IGF2BP2: variants seen among roughly 807,000 people sequenced by gnomAD.
IGF2BP2 encodes insulin like growth factor 2 mRNA binding protein 2, also known as insulin-like growth factor 2 mRNA-binding protein 2.
Under a neutral mutation model 75.8 loss-of-function variants are expected in IGF2BP2, and 17 were observed. The observed-to-expected ratio is 0.22, with a 90% CI of 0.15 to 0.34. IGF2BP2 has a LOEUF of 0.34. IGF2BP2 is among the 10% of genes least tolerant of loss of function. The probability of loss-of-function intolerance (pLI) is 1.00; values close to 1 mark genes in which losing one functional copy is unlikely to be tolerated. For synonymous variants in IGF2BP2, 288 were observed against 295.6 expected, an observed-to-expected ratio of 0.97 and a Z score of 0.26; for missense variants, 516 against 772.4, an observed-to-expected ratio of 0.67 and a Z score of 3.93.
At chr3:185,799,286 T>C (rs370161688) in intron 2 of IGF2BP2, among the ~76,000 whole-genome samples, 1 of 151,974 alleles carries the variant, frequency 6.6e-6, no homozygotes, top group South Asian at 2.1e-4. Context: ...TAGTCGCAGC[T>C]ACTTGGGAAG....
At chr3:185,812,807 C>T (rs113837014) in intron 2 of IGF2BP2, among the ~76,000 whole-genome samples, 3,643 of 152,282 alleles carry the variant, frequency 0.024, 48 homozygotes, top group Middle Eastern at 0.051. Flanking sequence ...AATTTGGCAT[C>T]TCCTTGGAAT....
At chr3:185,809,363 G>A (rs1739487690) in intron 2 of IGF2BP2, among the ~76,000 whole-genome samples, 1 of 152,134 alleles carries the variant, frequency 6.6e-6, no homozygotes. Context: ...TCATTTTGAA[G>A]CCCTGTGCAA....
At chr3:185,760,838 T>C (rs1732264049) in intron 2 of IGF2BP2, among the ~76,000 whole-genome samples, 2 of 152,200 alleles carry the variant, frequency 1.3e-5, no homozygotes, top group African/African-American at 4.8e-5. Context: ...AGGCTTAAAC[T>C]TGCTGCCCAA....
intron 10 of IGF2BP2, among the ~76,000 whole-genome samples, chr3:185,662,204 G>A (rs541660465): frequency 1.1e-4 from 16 of 152,164 alleles, no homozygotes; most frequent in East Asian, 3.9e-4. Context: ...CTGGCCAGAC[G>A]TGGTGGCTCA....
At chr3:185,677,924 T>C (rs1403987044) in intron 7 of IGF2BP2, among the ~76,000 whole-genome samples, 1 of 152,122 alleles carries the variant, frequency 6.6e-6, no homozygotes, top group Non-Finnish European at 1.5e-5. Flanking sequence ...AGGATTAAAA[T>C]AAATAAATAC....
intron 2 of IGF2BP2, among the ~76,000 whole-genome samples, chr3:185,721,743 C>T (rs1310706758): frequency 3.9e-5 from 6 of 152,120 alleles, no homozygotes; most frequent in Admixed American, 3.9e-4. Context: ...CCCTCACTCT[C>T]ATCTGAAAAG....
intron 2 of IGF2BP2, among the ~76,000 whole-genome samples, chr3:185,784,468 A>T (rs1735611505): frequency 6.6e-6 from 1 of 152,308 alleles, no homozygotes; most frequent in Middle Eastern, 3.4e-3. Flanking sequence ...CACCTCCAGC[A>T]CAGCACAGCA....
intron 5 of IGF2BP2, among the ~76,000 whole-genome samples, chr3:185,691,606 G>A (rs772051578): frequency 1.3e-5 from 2 of 152,010 alleles, no homozygotes; most frequent in African/African-American, 2.4e-5. Flanking sequence ...TACAAAAAAG[G>A]AACTTGTTTT....
chr3:185,645,630 CAAGGGAGAG>C lies in IGF2BP2; in HGVS notation c.1708-16_1708-8del. The C allele has an allele frequency of 1.2e-6, 2 of 1,612,278 alleles. No homozygotes were observed. Among genetic ancestry groups the C allele is most frequent in the Non-Finnish European group, 1.7e-6 (2 of 1,178,472 alleles). ...TGATCTTGCGCTGTGCAGTCTGCAG[CAAGGGAGAG>C]AAGGGAGAGGAAGGGACAGGGGAAA... On this transcript the variant is annotated splice_polypyrimidine_tract_variant and splice_region_variant and intron_variant, in intron 15 of 15. Transcript: ENST00000382199. This position sits in a 1 kb window ranked among gnomAD's most constrained non-coding sequence, Gnocchi z 4.9.
intron 2 of IGF2BP2, among the ~76,000 whole-genome samples, chr3:185,753,547 CA>C (rs1731221796): frequency 1.3e-5 from 2 of 152,194 alleles, no homozygotes; most frequent in African/African-American, 4.8e-5. Context: ...GGCAACTGCG[CA>C]ATCCAAAGAG....
intron 7 of IGF2BP2, among the ~76,000 whole-genome samples, chr3:185,679,468 G>A (rs1659097026): frequency 6.6e-6 from 1 of 151,648 alleles, no homozygotes; most frequent in Admixed American, 6.6e-5. Flanking sequence ...AAAAGTTTTT[G>A]TCATTTAAAT....
At position 185,643,720 on chromosome 3, in the gene IGF2BP2, A is replaced by G. The variant is rs1459886012; in HGVS notation, c.*1811T>C. 1 of 152,518 alleles carries G rather than the reference A, an allele frequency of 6.6e-6. No individual in the cohort carries two copies. Among genetic ancestry groups the G allele is most frequent in the Non-Finnish European group, 1.5e-5 (1 of 68,012 alleles). 9.4% of individuals were successfully genotyped at this position (152,518 alleles called of 1,614,324 possible). ...GGATGAGGCAATGCCTAGTAAAATA[A>G]AACACCAAGACACCAGGATCTTGTT... On this transcript the variant is annotated 3_prime_UTR_variant, in exon 16 of 16. Coordinates refer to ENST00000382199, the MANE Select transcript of IGF2BP2 (RefSeq NM_006548.6).
intron 2 of IGF2BP2, among the ~76,000 whole-genome samples, chr3:185,745,039 T>C (rs1394684470): frequency 6.6e-6 from 1 of 152,226 alleles, no homozygotes; most frequent in Admixed American, 6.5e-5. Flanking sequence ...TGTGGAGGCA[T>C]GCCCTTGCTG....
In IGF2BP2 at chr3:185,801,564, G is replaced by A. The variant is rs148480805; in HGVS notation, c.239+21589C>T. 8.5e-3 allele frequency among the ~76,000 whole-genome samples: 1,280 copies of A among 151,108 alleles called. 17 individuals are homozygous for A. The highest frequency in any genetic ancestry group is 0.03 in the African/African-American group (1,232 of 41,094). On this transcript the variant is annotated intron_variant, in intron 2 of 15. Coordinates refer to ENST00000382199, the MANE Select transcript of IGF2BP2 (RefSeq NM_006548.6). The stretch of plus-strand genomic sequence containing the variant: ...TGTGGAGAAATAGGAACACTTTTAC[G>A]CTGTTGGGAGTGCAAATTAGTTCAA...
At chr3:185,820,276 A>ACACACACACACACACACACACAC (rs1741205251) in intron 2 of IGF2BP2, among the ~76,000 whole-genome samples, 1 of 149,368 alleles carries the variant, frequency 6.7e-6, no homozygotes, top group Admixed American at 6.7e-5. Context: ...ACACACACAT[A>ACACACACACACACACACACACAC]ATTTTTAAGT....
At chr3:185,795,064 C>CT (rs1469967823) in intron 2 of IGF2BP2, among the ~76,000 whole-genome samples, 1 of 151,926 alleles carries the variant, frequency 6.6e-6, no homozygotes, top group African/African-American at 2.4e-5. Flanking sequence ...CGCCCGGCTA[C>CT]TTTTTTGTAT....
chr3:185,758,624 C>G (rs929993329), intron 2 of IGF2BP2, among the ~76,000 whole-genome samples: 12 of 152,210 alleles, frequency 7.9e-5, no homozygotes, highest in Non-Finnish European at 1.6e-4. Flanking sequence ...TGTGTTAGCA[C>G]TGCTGCATAT....
chr3:185,686,196 C>T (rs1721107539), intron 7 of IGF2BP2, among the ~76,000 whole-genome samples: 1 of 152,006 alleles, frequency 6.6e-6, no homozygotes, highest in Non-Finnish European at 1.5e-5. Context: ...CTAGCCTGGC[C>T]AACATGGTGA....
At chr3:185,809,315 T>C (rs1739481304) in intron 2 of IGF2BP2, among the ~76,000 whole-genome samples, 1 of 152,202 alleles carries the variant, frequency 6.6e-6, no homozygotes, top group Admixed American at 6.5e-5. Flanking sequence ...CAAAACCTAT[T>C]CTGGTTCCAC....
Sources: allele counts gnomAD v4.1 joint callset (sites outside exome capture counted in the v4.1 genomes callset), GRCh38; gene constraint gnomAD v4.1.1; non-coding constraint Gnocchi (gnomAD v3.1); transcripts MANE v1.5; gene names NCBI Gene and HGNC (gene_info 2026-07-23, HGNC 2026-07-21).